Variants in RAD23B observed in about 807,000 individuals in gnomAD.
RAD23B encodes lysine-specific demethylase RAD23B.
Under a neutral mutation model 49.1 loss-of-function variants are expected in RAD23B, and 5 were observed. That is an observed-to-expected ratio of 0.10 (90% CI 0.05 to 0.21). RAD23B has a LOEUF of 0.21. Ranked by LOEUF, RAD23B falls within the 10% of genes least tolerant of loss-of-function variation. The pLI is 1.00. For synonymous variants in RAD23B, 184 were observed against 165.4 expected, an observed-to-expected ratio of 1.11 and a Z score of -0.86; for missense variants, 356 against 486.7, an observed-to-expected ratio of 0.73 and a Z score of 2.53.
At chr9:107,300,270 T>C (rs754188765) in intron 2 of RAD23B, 48 bp downstream of exon 2, 10 of 1,564,040 alleles carry the variant, frequency 6.4e-6, no homozygotes, top group East Asian at 2.3e-5. Context: ...GATATTCTTT[T>C]AGTTTTAGAA....
intron 1 of RAD23B, among the ~76,000 whole-genome samples, chr9:107,284,366 G>A (rs1219088254): frequency 6.6e-6 from 1 of 152,018 alleles, no homozygotes; most frequent in African/African-American, 2.4e-5. Flanking sequence ...AGCCATCCAG[G>A]CTCAAACTAA....
At position 107,307,453 on chromosome 9, in the gene RAD23B, A is replaced by G. The variant is rs572584973; in HGVS notation, c.497+806A>G. ...ATCATACAGCACAATTCCTTGATCT[A>G]AGAGCATGAGTTATATTATGACCAG... On this transcript the variant is annotated intron_variant, in intron 4 of 9. Transcript: ENST00000358015. Among the ~76,000 whole-genome samples, 8 of 152,360 alleles carry G rather than the reference A, an allele frequency of 5.3e-5. 1 individual carries two copies. In the South Asian group the frequency reaches 1.7e-3, roughly 32 times the overall value.
intron 5 of RAD23B, among the ~76,000 whole-genome samples, chr9:107,314,563 TTTTC>T (rs1292282170): frequency 1.3e-5 from 2 of 152,214 alleles, no homozygotes; most frequent in African/African-American, 4.8e-5. Context: ...ACACACCACA[TTTTC>T]TTTATCTCAT....
chr9:107,325,313 C>CAAAAAAAAAAAAAAAAAAAAAAA (rs34042765), intron 9 of RAD23B, among the ~76,000 whole-genome samples: 1 of 61,386 alleles, frequency 1.6e-5, no homozygotes, highest in African/African-American at 6.6e-5. Flanking sequence ...GACTCTGTCT[C>CAAAAAAAAAAAAAAAAAAAAAAA]AAAAAAAAAA....
chr9:107,308,218 ATTTTTT>A (rs149392767), intron 4 of RAD23B, among the ~76,000 whole-genome samples: 1 of 130,660 alleles, frequency 7.7e-6, no homozygotes, highest in Non-Finnish European at 1.6e-5. Flanking sequence ...CATTAACTCC[ATTTTTT>A]TTTTTTTTTT....
At chr9:107,321,218 AT>A (rs199692213) in intron 6 of RAD23B, among the ~76,000 whole-genome samples, 1,748 of 152,084 alleles carry the variant, frequency 0.011, 26 homozygotes, top group African/African-American at 0.039. Flanking sequence ...GAAAAATTAA[AT>A]TTTTTGAGAT....
In RAD23B at chr9:107,330,992, G is replaced by C. The variant is rs1421438832; in HGVS notation, c.*1336G>C. On this transcript the variant is annotated 3_prime_UTR_variant, in exon 10 of 10. Coordinates refer to ENST00000358015, the MANE Select transcript of RAD23B (RefSeq NM_002874.5). This position sits in a 1 kb window ranked among gnomAD's most constrained non-coding sequence, Gnocchi z 4.4. Reference sequence around the variant, plus strand: ...TCATAAACGGGGCAGATGTCTACTTGTTCAGTTTTTCAAATCTGTTTTCCT... The same window carrying C: ...TCATAAACGGGGCAGATGTCTACTTCTTCAGTTTTTCAAATCTGTTTTCCT... The C allele has an allele frequency of 1.3e-5, 2 of 152,470 alleles. No homozygotes were observed. Among genetic ancestry groups the C allele is most frequent in the African/African-American group, 4.8e-5 (2 of 41,400 alleles). The allele number at this position is 152,470 out of a possible 1,614,324, so 9.4% of individuals were successfully genotyped here. A position where few individuals can be genotyped will look rare whatever the true frequency, so the allele number is the denominator to read the frequency against.
chr9:107,328,569 C>T (rs933813191), intron 9 of RAD23B, among the ~76,000 whole-genome samples: 1 of 149,456 alleles, frequency 6.7e-6, no homozygotes, highest in Admixed American at 6.7e-5. Context: ...ACTGATACAA[C>T]AGGAGACGGA....
chr9:107,324,569 T>G (rs796594920), intron 8 of RAD23B, among the ~76,000 whole-genome samples: 6 of 151,972 alleles, frequency 3.9e-5, no homozygotes, highest in Admixed American at 1.3e-4. Flanking sequence ...TTTGTTTGTT[T>G]TTTGTTTGTT....
At position 107,283,445 on chromosome 9, in the gene RAD23B, C is replaced by G; in HGVS notation, c.-185C>G. ...GGCCGCAGTCGCGGAGGCAGCGGCGCGGTCCGGGGCACGGGCTGGGGGAGA... is the reference window on the plus strand; with the variant it reads ...GGCCGCAGTCGCGGAGGCAGCGGCGGGGTCCGGGGCACGGGCTGGGGGAGA... On this transcript the variant is annotated 5_prime_UTR_variant, in exon 1 of 10. Transcript: ENST00000358015. 1 of 442,960 alleles carries G rather than the reference C, an allele frequency of 2.3e-6. No individual in the cohort carries two copies. Among genetic ancestry groups the G allele is most frequent in the Non-Finnish European group, 3.9e-6 (1 of 256,150 alleles). The allele number at this position is 442,960 out of a possible 1,614,324, so 27.4% of individuals were successfully genotyped here.
At chr9:107,316,658 G>T (rs945708990) in intron 5 of RAD23B, among the ~76,000 whole-genome samples, 3 of 151,948 alleles carry the variant, frequency 2.0e-5, no homozygotes, top group Non-Finnish European at 4.4e-5. Context: ...ATATTTGGGG[G>T]TTTTTAGCTA....
At chr9:107,296,676 A>C (rs1475583019) in intron 1 of RAD23B, among the ~76,000 whole-genome samples, 1 of 151,454 alleles carries the variant, frequency 6.6e-6, no homozygotes, top group Non-Finnish European at 1.5e-5. Flanking sequence ...CTGGGATTAC[A>C]GGCGTGCACC....
intron 6 of RAD23B, among the ~76,000 whole-genome samples, chr9:107,321,124 A>G (rs141059396): frequency 0.015 from 2,217 of 152,300 alleles, 25 homozygotes; most frequent in Non-Finnish European, 0.023. Context: ...AATAACTTTA[A>G]AAGATAAGTA....
chr9:107,315,508 T>TTTTTG (rs970007692), intron 5 of RAD23B, among the ~76,000 whole-genome samples: 43 of 152,220 alleles, frequency 2.8e-4, no homozygotes, highest in African/African-American at 8.7e-4. Context: ...GTTTTTGTTT[T>TTTTTG]TTTTGTTTTG....
At chr9:107,286,115 A>T (rs974487231) in intron 1 of RAD23B, among the ~76,000 whole-genome samples, 1 of 152,168 alleles carries the variant, frequency 6.6e-6, no homozygotes, top group African/African-American at 2.4e-5. Flanking sequence ...TCCTTGTTTA[A>T]TTTTTACCTA....
intron 4 of RAD23B, among the ~76,000 whole-genome samples, chr9:107,308,665 A>G (rs1305318510): frequency 6.6e-6 from 1 of 152,254 alleles, no homozygotes; most frequent in Non-Finnish European, 1.5e-5. Flanking sequence ...AGCAGACACT[A>G]GAGTTTGTTA....
intron 4 of RAD23B, among the ~76,000 whole-genome samples, 197 bp from the exon 5 acceptor site, chr9:107,311,485 A>T (rs1276977790): frequency 6.6e-6 from 1 of 152,190 alleles, no homozygotes; most frequent in Non-Finnish European, 1.5e-5. Context: ...CCAAGATTGA[A>T]AATTTTTCCC....
intron 1 of RAD23B, among the ~76,000 whole-genome samples, chr9:107,292,325 C>T (rs1362098619): frequency 6.6e-6 from 1 of 152,172 alleles, no homozygotes; most frequent in African/African-American, 2.4e-5. Flanking sequence ...TACATGAGCA[C>T]CTCTAGCATT....
At position 107,318,721 on chromosome 9, in the gene RAD23B, C is replaced by G; in HGVS notation, c.554-31C>G. ...AGAGAATGCTTATTTATTAAATGTT[C>G]CTTTTTTTCCCCTCCACCCTCCCTT... On this transcript the variant is annotated intron_variant, in intron 5 of 9. Coordinates refer to ENST00000358015, the MANE Select transcript of RAD23B (RefSeq NM_002874.5). The surrounding 1 kb of genome is among the most constrained non-coding windows in gnomAD (Gnocchi z 4.3). The G allele has an allele frequency of 6.3e-7, 1 of 1,584,838 alleles. No individual in the cohort carries two copies. The highest frequency in any genetic ancestry group is 8.6e-7 in the Non-Finnish European group (1 of 1,158,912).
Sources: allele counts gnomAD v4.1 joint callset (sites outside exome capture counted in the v4.1 genomes callset), GRCh38; gene constraint gnomAD v4.1.1; non-coding constraint Gnocchi (gnomAD v3.1); transcripts MANE v1.5; gene names NCBI Gene and HGNC (gene_info 2026-07-23, HGNC 2026-07-21).